CELF2: variants seen among roughly 807,000 people sequenced by gnomAD.
CELF2 encodes the protein CUG triplet repeat RNA-binding protein 2.
Under a neutral mutation model 62.6 loss-of-function variants are expected in CELF2, and 8 were observed. The observed-to-expected ratio is 0.13, with a 90% CI of 0.07 to 0.23. The LOEUF is 0.23. Ranked by LOEUF, CELF2 falls within the 10% of genes least tolerant of loss-of-function variation. The pLI is 1.00. For synonymous variants in CELF2, 258 were observed against 250.0 expected (o/e 1.03, Z -0.30); for missense variants, 333 against 671.0 (o/e 0.50, Z 5.56).
intron 5 of CELF2, among the ~76,000 whole-genome samples, 160 bp downstream of exon 5, chr10:11,258,032 C>G (rs1238245958): frequency 6.6e-6 from 1 of 152,206 alleles, no homozygotes; most frequent in Non-Finnish European, 1.5e-5. Flanking sequence ...TAGCTGAAAT[C>G]ATCACCTTTT....
chr10:10,701,795 C>G, the CELF2 span, among the ~76,000 whole-genome samples: 1 of 152,194 alleles, frequency 6.6e-6, no homozygotes, highest in African/African-American at 2.4e-5. Context: ...GCCATCACCT[C>G]GCTTAGAGAC....
chr10:10,696,588 G>A, the CELF2 span, among the ~76,000 whole-genome samples: 14 of 151,902 alleles, frequency 9.2e-5, no homozygotes, highest in African/African-American at 2.2e-4. Context: ...AATGGCGGGC[G>A]CCCCTCCCCC....
chr10:11,273,435 G>A (rs1237665083), intron 7 of CELF2, among the ~76,000 whole-genome samples: 1 of 152,084 alleles, frequency 6.6e-6, no homozygotes, highest in South Asian at 2.1e-4. Flanking sequence ...GATGAACTGA[G>A]GTGGAGCAGT....
chr10:11,185,483 C>G (rs866443371), intron 2 of CELF2, among the ~76,000 whole-genome samples: 2 of 152,174 alleles, frequency 1.3e-5, no homozygotes, highest in Non-Finnish European at 2.9e-5. Context: ...GGCACGATCT[C>G]GGCTCCCCGC....
At chr10:11,062,968 A>G (rs1292822352) in intron 1 of CELF2, among the ~76,000 whole-genome samples, 1 of 152,198 alleles carries the variant, frequency 6.6e-6, no homozygotes, top group Non-Finnish European at 1.5e-5. Context: ...AGTAGCCATC[A>G]GCATCGAGGC....
chr10:10,845,872 G>A (rs528427964), intron 1 of CELF2, among the ~76,000 whole-genome samples: 31 of 152,090 alleles, frequency 2.0e-4, no homozygotes, highest in African/African-American at 7.0e-4. Context: ...TATCTGATGC[G>A]ATTTCTTTTA....
At chr10:10,501,433 C>A in the CELF2 span, among the ~76,000 whole-genome samples, 1 of 152,076 alleles carries the variant, frequency 6.6e-6, no homozygotes, top group East Asian at 1.9e-4. Context: ...TGTCTTTTGC[C>A]CACTTTATAA....
chr10:11,161,120 G>T (rs1381402198), intron 1 of CELF2, among the ~76,000 whole-genome samples: 2 of 152,202 alleles, frequency 1.3e-5, no homozygotes, highest in African/African-American at 4.8e-5. Context: ...TCTAAAATAG[G>T]GAAGTAGGTC....
At chr10:10,926,401 C>T (rs1028987227) in intron 2 of CELF2, among the ~76,000 whole-genome samples, 7 of 152,162 alleles carry the variant, frequency 4.6e-5, no homozygotes, top group Non-Finnish European at 8.8e-5. Flanking sequence ...GTGAGGACAC[C>T]GTAAGAAGGC....
chr10:11,089,681 A>G (rs552150615), intron 1 of CELF2, among the ~76,000 whole-genome samples: 3 of 152,354 alleles, frequency 2.0e-5, no homozygotes, highest in African/African-American at 4.8e-5. Flanking sequence ...CATGAGAGGT[A>G]TATCCAAAGG....
Position 11,268,121 on chromosome 10 carries a change from T to C in CELF2, c.618+1444T>C, listed in dbSNP as rs990929388. 2.6e-5 allele frequency among the ~76,000 whole-genome samples: 4 copies of C among 152,138 alleles called. No homozygotes were observed. Among genetic ancestry groups the C allele is most frequent in the African/African-American group, 9.7e-5 (4 of 41,434 alleles). ...GTGTGATGGCGTTTTGCTTCCCTCT[T>C]TCTCTTACTGAGGCCGCTCCATTCC... On this transcript the variant is annotated intron_variant, in intron 6 of 12. Coordinates refer to ENST00000633077, the MANE Select transcript of CELF2 (RefSeq NM_001326342.2). This position sits in a 1 kb window ranked among gnomAD's most constrained non-coding sequence, Gnocchi z 4.7.
chr10:11,205,683 A>G (rs541973234), intron 2 of CELF2, among the ~76,000 whole-genome samples: 16 of 152,318 alleles, frequency 1.1e-4, no homozygotes, highest in African/African-American at 3.8e-4. Flanking sequence ...CTGTCATGGT[A>G]TCTGCCATGA....
chr10:10,717,721 T>TC, the CELF2 span, among the ~76,000 whole-genome samples: 2 of 152,272 alleles, frequency 1.3e-5, no homozygotes, highest in Admixed American at 1.3e-4. Flanking sequence ...GAAAAAAGAA[T>TC]CAGGGTCCTT....
At chr10:10,814,072 G>C (rs1414337467) in intron 1 of CELF2, among the ~76,000 whole-genome samples, 2 of 151,988 alleles carry the variant, frequency 1.3e-5, no homozygotes, top group Admixed American at 6.6e-5. Flanking sequence ...TTTAAGGAAG[G>C]CTCAGCACCT....
At chr10:10,527,527 C>G in the CELF2 span, among the ~76,000 whole-genome samples, 2 of 151,170 alleles carry the variant, frequency 1.3e-5, no homozygotes, top group African/African-American at 4.9e-5. Context: ...TTAAAGATAA[C>G]ATACACCATG....
At chr10:10,811,265 A>G (rs112693922) in intron 1 of CELF2, among the ~76,000 whole-genome samples, 208 of 152,346 alleles carry the variant, frequency 1.4e-3, no homozygotes, top group African/African-American at 4.8e-3. Context: ...AATTACCAAT[A>G]AATTATTGCA....
chr10:11,319,155 C>T lies in CELF2; in HGVS notation c.1097-2034C>T. On this transcript the variant is annotated intron_variant, in intron 10 of 12. Coordinates refer to ENST00000633077, the MANE Select transcript of CELF2 (RefSeq NM_001326342.2). The surrounding 1 kb of genome is among the most constrained non-coding windows in gnomAD (Gnocchi z 4.4). ...TTCCTCCACACGGGCATCTGCATTT[C>T]CAGAGGACTGTGCCCAGAGTGCGAT... 1 of 467,424 alleles carries T rather than the reference C, an allele frequency of 2.1e-6. No homozygotes were observed. Among genetic ancestry groups the T allele is most frequent in the South Asian group, 1.6e-5 (1 of 63,926 alleles). The allele number at this position is 467,424 out of a possible 1,614,324, so 29.0% of individuals were successfully genotyped here. A position where few individuals can be genotyped will look rare whatever the true frequency, so the allele number is the denominator to read the frequency against.
intron 2 of CELF2, among the ~76,000 whole-genome samples, chr10:10,929,029 C>T (rs531679022): frequency 5.3e-5 from 8 of 152,130 alleles, no homozygotes; most frequent in Non-Finnish European, 1.0e-4. Context: ...ATTGAGGAAG[C>T]CTTCTCCTAA....
chr10:11,325,714 T>C (rs2095689276), intron 11 of CELF2, 122 bp from the exon 12 acceptor site: 3 of 806,416 alleles, frequency 3.7e-6, no homozygotes, highest in South Asian at 2.0e-5. Context: ...TTGACATTTA[T>C]CCATCTGTTT....
Sources: allele counts gnomAD v4.1 joint callset (sites outside exome capture counted in the v4.1 genomes callset), GRCh38; gene constraint gnomAD v4.1.1; non-coding constraint Gnocchi (gnomAD v3.1); transcripts MANE v1.5; gene names NCBI Gene and HGNC (gene_info 2026-07-23, HGNC 2026-07-21).